Variants in PRH1 observed in about 807,000 individuals in gnomAD.
PRH1 encodes the protein salivary acidic proline-rich phosphoprotein 1/2.
A neutral mutation model predicts 7.9 loss-of-function variants in PRH1; 7 were observed. That is an observed-to-expected ratio of 0.89 (90% CI 0.50 to 1.67). The LOEUF (loss-of-function observed/expected upper bound fraction) is 1.67. Among genes scored for constraint, PRH1 ranks in the 40% most tolerant of loss-of-function variants. The probability of loss-of-function intolerance (pLI) is 0.00; values close to 1 mark genes in which losing one functional copy is unlikely to be tolerated. For missense variants in PRH1, 109 were observed against 223.6 expected, an observed-to-expected ratio of 0.49 and a Z score of 3.27; for synonymous variants, 45 against 80.8, an observed-to-expected ratio of 0.56 and a Z score of 2.38.
chr12:10,998,729 G>A (rs955196740), intron 1 of PRH1, among the ~76,000 whole-genome samples: 1 of 152,072 alleles, frequency 6.6e-6, no homozygotes, highest in African/African-American at 2.4e-5. Flanking sequence ...AATGCTACCT[G>A]CAAGCTTGTA....
chr12:10,931,571 A>G (rs545046844), intron 2 of PRH1, among the ~76,000 whole-genome samples: 1 of 152,158 alleles, frequency 6.6e-6, no homozygotes. Flanking sequence ...ACAAAAACTA[A>G]TCTCACTGAA....
At chr12:11,124,173 A>G (rs1946019205) in intron 1 of PRH1, among the ~76,000 whole-genome samples, 1 of 152,260 alleles carries the variant, frequency 6.6e-6, no homozygotes, top group African/African-American at 2.4e-5. Flanking sequence ...TCACAAGGAA[A>G]CTCAATGAGT....
intron 1 of PRH1, among the ~76,000 whole-genome samples, chr12:11,107,022 A>G (rs936999029): frequency 2.0e-5 from 3 of 151,988 alleles, no homozygotes; most frequent in African/African-American, 7.3e-5. Flanking sequence ...GGGGTAGGGG[A>G]GCGAGAAAGA....
chr12:11,142,308 A>T (rs2136396845), intron 1 of PRH1, among the ~76,000 whole-genome samples: 1 of 152,322 alleles, frequency 6.6e-6, no homozygotes, highest in Middle Eastern at 3.4e-3. Flanking sequence ...TCCCTACCAA[A>T]TCCCAGAAGA....
chr12:10,890,359 C>G (rs1173633657), intron 2 of PRH1, among the ~76,000 whole-genome samples: 1 of 151,988 alleles, frequency 6.6e-6, no homozygotes, highest in Non-Finnish European at 1.5e-5. Flanking sequence ...CCAAAGGGCC[C>G]TATCCACAAA....
intron 1 of PRH1, among the ~76,000 whole-genome samples, chr12:11,054,010 TG>T (rs1943257941): frequency 6.6e-6 from 1 of 151,934 alleles, no homozygotes; most frequent in Non-Finnish European, 1.5e-5. Flanking sequence ...TAGTAGACAG[TG>T]GGTTTCACTA....
upstream of PRH1, among the ~76,000 whole-genome samples, chr12:11,048,108 T>TTATTCACACACATGCACACA (rs1942977150): frequency 6.6e-6 from 1 of 151,940 alleles, no homozygotes. Context: ...GTCAATGTTG[T>TTATTCACACACATGCACACA]TATTCACACA....
At chr12:11,059,915 G>T (rs1943514776) in intron 1 of PRH1, among the ~76,000 whole-genome samples, 2 of 151,988 alleles carry the variant, frequency 1.3e-5, no homozygotes, top group South Asian at 4.1e-4. Context: ...TTGTTGCTGG[G>T]TTCTAGGTCC....
At chr12:10,973,608 T>A in intron 2 of PRH1, 1 of 763,466 alleles carries the variant, frequency 1.3e-6, no homozygotes, top group Admixed American at 1.8e-5. Context: ...AACCAAGTGT[T>A]GCTAGGTTTT....
chr12:10,980,512 C>T (rs1939301304), intron 1 of PRH1, among the ~76,000 whole-genome samples: 1 of 151,846 alleles, frequency 6.6e-6, no homozygotes, highest in East Asian at 1.9e-4. Context: ...ATGTAACTGA[C>T]ATTTGAAGAA....
At chr12:11,042,431 G>A (rs964769588) in intron 1 of PRH1, among the ~76,000 whole-genome samples, 16 of 132,032 alleles carry the variant, frequency 1.2e-4, no homozygotes, top group African/African-American at 3.7e-4. Flanking sequence ...CCCAAAACCT[G>A]ATAAGACCAA....
At chr12:10,981,881 T>TTTA (rs1555122017) in intron 1 of PRH1, among the ~76,000 whole-genome samples, 1 of 150,664 alleles carries the variant, frequency 6.6e-6, no homozygotes, top group Non-Finnish European at 1.5e-5. Flanking sequence ...TTTTTTTTTT[T>TTTA]ACAGATTCTT....
At chr12:11,092,140 T>C (rs1237233186) in intron 1 of PRH1, 1 of 1,386,320 alleles carries the variant, frequency 7.2e-7, no homozygotes, top group East Asian at 2.3e-5. Context: ...CAATGGAATT[T>C]ACCAGTGCTA....
At chr12:10,941,361 C>A (rs1041064819) in intron 2 of PRH1, among the ~76,000 whole-genome samples, 1 of 152,074 alleles carries the variant, frequency 6.6e-6, no homozygotes, top group Admixed American at 6.6e-5. Context: ...ATAATAATTC[C>A]CACACACTAC....
chr12:10,965,053 A>G (rs1349148672), intron 2 of PRH1: 10 of 1,016,298 alleles, frequency 9.8e-6, no homozygotes, highest in African/African-American at 3.2e-5. Context: ...TGCTGAGGCT[A>G]GTAGCAACCC....
At chr12:11,032,141 C>T (rs868827815) in intron 1 of PRH1, among the ~76,000 whole-genome samples, 7 of 152,210 alleles carry the variant, frequency 4.6e-5, no homozygotes, top group African/African-American at 1.2e-4. Flanking sequence ...AACCTGAATC[C>T]TCATTTGCTA....
chr12:10,989,245 C>A (rs1033566157), intron 1 of PRH1, among the ~76,000 whole-genome samples: 3 of 151,654 alleles, frequency 2.0e-5, no homozygotes, highest in African/African-American at 7.3e-5. Flanking sequence ...CTCACCTTTA[C>A]GTTTCTGAAA....
chr12:11,083,087 T>C (rs145850362), intron 1 of PRH1, among the ~76,000 whole-genome samples: 2,631 of 117,030 alleles, frequency 0.022, 655 homozygotes, highest in Middle Eastern at 0.035. Context: ...TATTAAAATC[T>C]TTGAATGGTA....
chr12:11,079,942 A>C (rs1416793273), intron 1 of PRH1, among the ~76,000 whole-genome samples: 4 of 125,920 alleles, frequency 3.2e-5, no homozygotes, highest in Non-Finnish European at 7.4e-5. Flanking sequence ...TTATAACTAG[A>C]CTGCACACTT....
Sources: gnomAD v4.1 joint callset for allele counts (sites outside exome capture counted in the v4.1 genomes callset) on GRCh38, gnomAD v4.1.1 for gene constraint, MANE v1.5 for transcripts, NCBI Gene and HGNC (gene_info 2026-07-23, HGNC 2026-07-21) for gene names.